PHACTR1: variants seen among roughly 807,000 people sequenced by gnomAD.
PHACTR1 encodes the protein phosphatase and actin regulator 1, also known as RPEL repeat containing 1.
In PHACTR1, 16 loss-of-function variants were observed where a neutral mutation model predicts 69.2. The observed-to-expected ratio is 0.23, with a 90% CI of 0.16 to 0.35. The LOEUF (loss-of-function observed/expected upper bound fraction) is 0.35, where lower values mean the gene tolerates loss of function less well. PHACTR1 is among the 10% of genes least tolerant of loss of function. The pLI, the probability that PHACTR1 is intolerant of heterozygous loss-of-function variation, is 1.00. For missense variants in PHACTR1, 510 were observed against 734.7 expected (o/e 0.69, Z 3.54); for synonymous variants, 312 against 284.5 (o/e 1.10, Z -0.97).
chr6:12,904,366 T>C (rs1463824351), intron 4 of PHACTR1, among the ~76,000 whole-genome samples: 1 of 151,764 alleles, frequency 6.6e-6, no homozygotes, highest in Non-Finnish European at 1.5e-5. Flanking sequence ...ACCCCATCTC[T>C]ACTAAAAATA....
intron 5 of PHACTR1, among the ~76,000 whole-genome samples, chr6:13,141,172 C>T (rs1014897492): frequency 2.6e-5 from 4 of 152,160 alleles, no homozygotes; most frequent in Non-Finnish European, 5.9e-5. Flanking sequence ...CCCATCAGCC[C>T]CATGGCCAAA....
At chr6:12,848,948 T>G (rs1323124560) in intron 4 of PHACTR1, among the ~76,000 whole-genome samples, 1 of 152,104 alleles carries the variant, frequency 6.6e-6, no homozygotes, top group African/African-American at 2.4e-5. Flanking sequence ...TCAAAGCACA[T>G]TTAATCTTAT....
chr6:13,190,196 G>GTTTTTTTTTTTTTTTT (rs1220683843), intron 7 of PHACTR1, among the ~76,000 whole-genome samples: 7 of 31,818 alleles, frequency 2.2e-4, no homozygotes, highest in African/African-American at 5.3e-4. Context: ...GCTAATTTTT[G>GTTTTTTTTTTTTTTTT]TATTTTTTTT....
At chr6:13,007,140 A>G (rs1315182319) in intron 4 of PHACTR1, among the ~76,000 whole-genome samples, 1 of 152,182 alleles carries the variant, frequency 6.6e-6, no homozygotes, top group African/African-American at 2.4e-5. Flanking sequence ...CATGCTATAA[A>G]TATACCACAA....
chr6:12,886,298 C>T (rs770532572), intron 4 of PHACTR1, among the ~76,000 whole-genome samples: 1 of 150,882 alleles, frequency 6.6e-6, no homozygotes, highest in Non-Finnish European at 1.5e-5. Flanking sequence ...ATTCAAAGGT[C>T]ACAGACTTAC....
At chr6:13,046,883 C>G (rs1034126233) in intron 4 of PHACTR1, among the ~76,000 whole-genome samples, 1 of 151,876 alleles carries the variant, frequency 6.6e-6, no homozygotes, top group Non-Finnish European at 1.5e-5. Flanking sequence ...AGAAACTCTT[C>G]CAAGAGATCC....
intron 3 of PHACTR1, among the ~76,000 whole-genome samples, chr6:12,738,796 C>T (rs921597960): frequency 5.3e-5 from 8 of 152,038 alleles, no homozygotes; most frequent in Admixed American, 2.0e-4. Context: ...ACCTGGGAGG[C>T]GGAAGTTGCA....
At chr6:12,835,020 G>T (rs1294668739) in intron 4 of PHACTR1, among the ~76,000 whole-genome samples, 1 of 152,144 alleles carries the variant, frequency 6.6e-6, no homozygotes, top group East Asian at 1.9e-4. Flanking sequence ...TTCAGAAAAA[G>T]GGAGCAATGA....
rs1417982379 is a variant in PHACTR1 at position 12,731,161 on chromosome 6, G to A, written c.103+12314G>A. Among the ~76,000 whole-genome samples, 2 of 151,786 alleles carry A rather than the reference G, an allele frequency of 1.3e-5. 1 individual carries two copies. The highest frequency in any genetic ancestry group is 4.8e-5 in the African/African-American group (2 of 41,314). On this transcript the variant is annotated intron_variant, in intron 3 of 14. Coordinates refer to ENST00000332995, the MANE Select transcript of PHACTR1 (RefSeq NM_030948.6). ...CTCCTGAGTAGCTGGGATTACAGGTGCCCGCCACCATGCCTGGCTAATTTT... is the reference window on the plus strand; with the variant it reads ...CTCCTGAGTAGCTGGGATTACAGGTACCCGCCACCATGCCTGGCTAATTTT...
intron 4 of PHACTR1, among the ~76,000 whole-genome samples, chr6:12,869,552 C>T (rs1781812138): frequency 6.6e-6 from 1 of 152,190 alleles, no homozygotes; most frequent in African/African-American, 2.4e-5. Context: ...TGCACCTTCC[C>T]CTGATGATCT....
At chr6:12,944,306 A>G (rs1790363569) in intron 4 of PHACTR1, among the ~76,000 whole-genome samples, 1 of 152,214 alleles carries the variant, frequency 6.6e-6, no homozygotes, top group Non-Finnish European at 1.5e-5. Flanking sequence ...CAATCTGCCC[A>G]ATTACAATTT....
At chr6:12,948,992 C>T (rs1790976790) in intron 4 of PHACTR1, among the ~76,000 whole-genome samples, 1 of 152,034 alleles carries the variant, frequency 6.6e-6, no homozygotes, top group African/African-American at 2.4e-5. Flanking sequence ...AAAAATGGGC[C>T]AGGCGCAATG....
At position 13,227,928 on chromosome 6, in the gene PHACTR1, A is replaced by G. The variant is rs1017932118; in HGVS notation, c.1099A>G (p.Thr367Ala). 2 of 1,613,996 alleles carry G rather than the reference A, an allele frequency of 1.2e-6. No individual in the cohort carries two copies. Among genetic ancestry groups the G allele is most frequent in the Non-Finnish European group, 1.7e-6 (2 of 1,179,880 alleles). Residue 367 changes from threonine to alanine, a missense_variant, in exon 9 of 15, where the codon ACT (threonine) becomes GCT (alanine). Thr to Ala is a moderately conservative substitution (Grantham distance 58). This residue lies in a region of PHACTR1 where 419 missense variants were observed against 530.9 expected (regional missense o/e 0.79). Transcript: ENST00000332995. ...CCTTCCAGAAATAAGACAAGTGCCA[A>G]CTGTTGTGATTGAATGTGATGACAA... Reference protein sequence around the residue: ...MGLPEIRQVPTVVIECDDNKE... With the variant: ...MGLPEIRQVPAVVIECDDNKE...
At chr6:13,232,875 C>T (rs1771444228) in intron 10 of PHACTR1, among the ~76,000 whole-genome samples, 1 of 152,196 alleles carries the variant, frequency 6.6e-6, no homozygotes. Context: ...TAGCTCCTTC[C>T]CCTCACTTCC....
intron 4 of PHACTR1, among the ~76,000 whole-genome samples, chr6:12,750,108 G>A (rs1297868171): frequency 6.6e-6 from 1 of 152,184 alleles, no homozygotes; most frequent in Non-Finnish European, 1.5e-5. Flanking sequence ...GCAGGCTGCG[G>A]GCGCGGGGTC....
chr6:12,908,468 A>C (rs1441628650), intron 4 of PHACTR1, among the ~76,000 whole-genome samples: 1 of 152,164 alleles, frequency 6.6e-6, no homozygotes, highest in Non-Finnish European at 1.5e-5. Flanking sequence ...GCATACGTGG[A>C]AAGAATAATA....
At chr6:12,957,439 T>A (rs962623060) in intron 4 of PHACTR1, 10 of 985,258 alleles carry the variant, frequency 1.0e-5, no homozygotes, top group Non-Finnish European at 1.2e-5. Context: ...TCTGTTTCAT[T>A]TTGAAATGTT....
At chr6:13,228,129 T>A in intron 9 of PHACTR1, 66 bp downstream of exon 9, 4 of 1,535,148 alleles carry the variant, frequency 2.6e-6, no homozygotes, top group Non-Finnish European at 3.5e-6. Context: ...CAGCAGAGAG[T>A]GGACCCAGCA....
chr6:13,012,603 G>C, intron 4 of PHACTR1, among the ~76,000 whole-genome samples: 1 of 152,186 alleles, frequency 6.6e-6, no homozygotes, highest in East Asian at 1.9e-4. Flanking sequence ...GTCACCTGGG[G>C]AGCTTGTTAA....
Sources: allele counts gnomAD v4.1 joint callset (sites outside exome capture counted in the v4.1 genomes callset), GRCh38; gene constraint gnomAD v4.1.1; regional missense constraint gnomAD v4.1.1; transcripts MANE v1.5; gene names NCBI Gene and HGNC (gene_info 2026-07-23, HGNC 2026-07-21).